Variants in ITSN2 observed in about 807,000 individuals in gnomAD.
The protein encoded by ITSN2 is intersectin 2, also known as intersectin-2.
ITSN2 carries 156 observed loss-of-function variants against 243.7 expected under a neutral mutation model. The observed-to-expected ratio is 0.64, with a 90% CI of 0.56 to 0.73. The LOEUF is 0.73. Ranked by LOEUF, ITSN2 falls within the 30% of genes least tolerant of loss-of-function variation. ITSN2 has a pLI of 0.00. For missense variants in ITSN2, 1,801 were observed against 1,996.1 expected, an observed-to-expected ratio of 0.90 and a Z score of 1.86; for synonymous variants, 703 against 699.9, an observed-to-expected ratio of 1.00 and a Z score of -0.07.
chr2:24,212,397 T>C (rs114804338), intron 33 of ITSN2, among the ~76,000 whole-genome samples: 3,130 of 152,262 alleles, frequency 0.021, 31 homozygotes, highest in South Asian at 0.046. Flanking sequence ...GGGGAGTTTC[T>C]TGAAAGGTGG....
Position 24,204,579 on chromosome 2 carries a change from C to G in ITSN2, c.4763-161G>C, listed in dbSNP as rs564827750. 2 of 709,850 alleles carry G rather than the reference C, an allele frequency of 2.8e-6. No individual in the cohort carries two copies. The highest frequency in any genetic ancestry group is 3.0e-5 in the South Asian group (2 of 67,796). The allele number at this position is 709,850 out of a possible 1,614,324, so 44.0% of individuals were successfully genotyped here. A position where few individuals can be genotyped will look rare whatever the true frequency, so the allele number is the denominator to read the frequency against. On this transcript the variant is annotated intron_variant, in intron 38 of 39. Transcript: ENST00000355123. This position sits in a 1 kb window ranked among gnomAD's most constrained non-coding sequence, Gnocchi z 5.1. The stretch of plus-strand genomic sequence containing the variant: ...GCACCATATCCCTGTGGTCTAGTAA[C>G]AGGGTCTCCAAGTTCCCAGTGCTGA...
chr2:24,246,003 T>G, intron 29 of ITSN2, 126 bp downstream of exon 29: 1 of 590,516 alleles, frequency 1.7e-6, no homozygotes, highest in Non-Finnish European at 2.8e-6. Flanking sequence ...TTCTTCTCAC[T>G]TTAAACACTA....
chr2:24,360,874 C>T (rs1688934550), upstream of ITSN2, among the ~76,000 whole-genome samples: 1 of 152,240 alleles, frequency 6.6e-6, no homozygotes, highest in Non-Finnish European at 1.5e-5. Context: ...AAGTCCCAAG[C>T]AGTGCCTGCC....
intron 17 of ITSN2, among the ~76,000 whole-genome samples, chr2:24,277,199 G>A (rs1391642737): frequency 6.6e-6 from 1 of 152,136 alleles, no homozygotes; most frequent in Non-Finnish European, 1.5e-5. Flanking sequence ...AGAAGTGGGG[G>A]CGGGGGGACT....
At chr2:24,228,213 A>G (rs1342599424) in intron 29 of ITSN2, among the ~76,000 whole-genome samples, 2 of 152,256 alleles carry the variant, frequency 1.3e-5, no homozygotes, top group African/African-American at 4.8e-5. Flanking sequence ...TGCACATAAC[A>G]CACAACACAG....
At chr2:24,209,078 GC>G (rs757668364) in intron 36 of ITSN2, 21 bp downstream of exon 36, 1 of 1,612,796 alleles carries the variant, frequency 6.2e-7, no homozygotes, top group South Asian at 1.1e-5. Flanking sequence ...TTCAAGGCAG[GC>G]CACACATGGT....
chr2:24,254,791 A>G (rs930315569), intron 23 of ITSN2, among the ~76,000 whole-genome samples: 3 of 152,212 alleles, frequency 2.0e-5, no homozygotes, highest in African/African-American at 7.2e-5. Context: ...AAGGCAATAT[A>G]TACATTTTAT....
intron 17 of ITSN2, among the ~76,000 whole-genome samples, chr2:24,277,665 G>C (rs540790673): frequency 2.4e-4 from 37 of 152,264 alleles, no homozygotes; most frequent in African/African-American, 8.7e-4. Flanking sequence ...CTGTATACTA[G>C]CTGTATAACC....
intron 2 of ITSN2, among the ~76,000 whole-genome samples, chr2:24,325,186 A>AC (rs1227256815): frequency 3.0e-4 from 45 of 152,180 alleles, no homozygotes; most frequent in Non-Finnish European, 5.9e-4. Context: ...AAGGTGGAGG[A>AC]CTTCTTGAGC....
intron 1 of ITSN2, among the ~76,000 whole-genome samples, chr2:24,335,474 A>G (rs1035353175): frequency 5.9e-5 from 9 of 152,276 alleles, no homozygotes; most frequent in Admixed American, 4.6e-4. Context: ...CTAGGACTAC[A>G]GGCGTGTACC....
chr2:24,294,181 T>C (rs573081123), intron 14 of ITSN2, among the ~76,000 whole-genome samples: 1 of 152,294 alleles, frequency 6.6e-6, no homozygotes, highest in African/African-American at 2.4e-5. Flanking sequence ...ATCTCAGCAC[T>C]TTGGGAGGCC....
chr2:24,304,114 C>T (rs1285208536), intron 8 of ITSN2, among the ~76,000 whole-genome samples: 1 of 152,170 alleles, frequency 6.6e-6, no homozygotes, highest in Non-Finnish European at 1.5e-5. Context: ...GATAATAATA[C>T]ACACAAGTGG....
chr2:24,287,006 C>T (rs111982216), intron 15 of ITSN2, among the ~76,000 whole-genome samples: 33 of 152,126 alleles, frequency 2.2e-4, no homozygotes, highest in African/African-American at 7.7e-4. Flanking sequence ...TTAACTTTAT[C>T]ATATTTTTGA....
chr2:24,204,531 G>A lies in ITSN2; in HGVS notation c.4763-113C>T, dbSNP rs1204582373. ...CCAATAATGGGTCACTCGAGACCAT[G>A]GCAGCAGGAGCCGCTGCCTGGGGCA... On this transcript the variant is annotated intron_variant, in intron 38 of 39. Coordinates refer to ENST00000355123, the MANE Select transcript of ITSN2 (RefSeq NM_006277.3). The surrounding 1 kb of genome is among the most constrained non-coding windows in gnomAD (Gnocchi z 5.1). The A allele has an allele frequency of 5.2e-6, 5 of 969,724 alleles. No homozygotes were observed. The highest frequency in any genetic ancestry group is 8.3e-6 in the Non-Finnish European group (5 of 603,032). 60.1% of individuals were successfully genotyped at this position (969,724 alleles called of 1,614,324 possible). A position where few individuals can be genotyped will look rare whatever the true frequency, so the allele number is the denominator to read the frequency against.
intron 29 of ITSN2, among the ~76,000 whole-genome samples, chr2:24,236,772 T>G (rs188217390): frequency 6.6e-6 from 1 of 151,878 alleles, no homozygotes; most frequent in East Asian, 1.9e-4. Context: ...CAGGCTCAAT[T>G]GAACTGCCTG....
At chr2:24,257,856 C>T in intron 23 of ITSN2, 32 bp downstream of exon 23, 2 of 1,502,204 alleles carry the variant, frequency 1.3e-6, no homozygotes, top group Non-Finnish European at 1.9e-6. Context: ...TACCAACATC[C>T]ACATCTCATG....
At chr2:24,276,031 G>A (rs1677971265) in intron 17 of ITSN2, among the ~76,000 whole-genome samples, 182 bp from the exon 18 acceptor site, 1 of 151,880 alleles carries the variant, frequency 6.6e-6, no homozygotes, top group South Asian at 2.1e-4. Flanking sequence ...AAACCATATA[G>A]CTCCTGAGAT....
At chr2:24,209,454 G>A (rs531169401) in intron 35 of ITSN2, among the ~76,000 whole-genome samples, 1 of 152,350 alleles carries the variant, frequency 6.6e-6, no homozygotes, top group East Asian at 1.9e-4. Flanking sequence ...ACTGGGTGGG[G>A]ACAGGAGCTC....
At chr2:24,330,147 T>C (rs1685607434) in intron 1 of ITSN2, among the ~76,000 whole-genome samples, 1 of 152,228 alleles carries the variant, frequency 6.6e-6, no homozygotes, top group South Asian at 2.1e-4. Flanking sequence ...AAGATGGCTC[T>C]AACAACAGAA....
Sources: gnomAD v4.1 joint callset for allele counts (sites outside exome capture counted in the v4.1 genomes callset) on GRCh38, gnomAD v4.1.1 for gene constraint, Gnocchi (gnomAD v3.1) non-coding constraint, MANE v1.5 for transcripts, NCBI Gene and HGNC (gene_info 2026-07-23, HGNC 2026-07-21) for gene names.